The following PPP1R3F variants were observed in gnomAD, a reference collection of about 807,000 sequenced individuals.
The protein encoded by PPP1R3F is protein phosphatase 1 regulatory subunit 3F.
Under a neutral mutation model 24.2 loss-of-function variants are expected in PPP1R3F, and 29 were observed. The observed-to-expected ratio is 1.20, with a 90% CI of 0.89 to 1.63. PPP1R3F has a LOEUF of 1.63. PPP1R3F is among the 40% of genes most tolerant of loss of function. The pLI is 0.00. For synonymous variants in PPP1R3F, 363 were observed against 340.1 expected (o/e 1.07, Z -0.74); for missense variants, 823 against 729.3 (o/e 1.13, Z -1.48).
intron 3 of PPP1R3F, among the ~76,000 whole-genome samples, chrX:49,297,002 G>A (rs1412600723): frequency 1.8e-5 from 2 of 110,192 alleles, no homozygotes; most frequent in African/African-American, 6.6e-5. Context: ...TTGATGTGGG[G>A]TGGAGAGTTC....
intron 1 of PPP1R3F, among the ~76,000 whole-genome samples, chrX:49,277,088 A>T (rs1557120111): frequency 8.9e-6 from 1 of 112,618 alleles, no homozygotes; most frequent in Non-Finnish European, 1.9e-5. Flanking sequence ...TGGCAATGGC[A>T]GTCTGTGACT....
intron 1 of PPP1R3F, chrX:49,281,021 G>A (rs1202122537): frequency 7.2e-6 from 1 of 138,754 alleles, no homozygotes; most frequent in African/African-American, 3.1e-5. Flanking sequence ...TGAGTATTAA[G>A]CAGCCATTTG....
At position 49,285,975 on chromosome X, in the gene PPP1R3F, T is replaced by A. The variant is rs1199721556; in HGVS notation, c.1285T>A (p.Ser429Thr). 1.7e-6 allele frequency: 2 copies of A among 1,198,360 alleles called. No homozygotes were observed. Among genetic ancestry groups the A allele is most frequent in the South Asian group, 3.6e-5 (2 of 55,129 alleles). The change falls in exon 4 of 4, where the codon TCC becomes ACC. Residue 429 changes from serine (S) to threonine (T), a missense_variant. Physicochemically the swap from Ser to Thr is moderately conservative, Grantham distance 58. Transcript: ENST00000055335. Reference protein sequence around the residue: ...PSSPLCGLGGSPRDQASGPDA... With the variant: ...PSSPLCGLGGTPRDQASGPDA... ...CTCCCCTCTCTGTGGCCTGGGTGGC[T>A]CCCCCAGAGACCAGGCCTCAGGGCC...
chrX:49,287,465 T>G lies in PPP1R3F; in HGVS notation c.*375T>G. ...GCTGGAGCTTTATTTTTAATTTAATTTATATAGAGTACCTATTATTATATG... is the reference window on the plus strand; with the variant it reads ...GCTGGAGCTTTATTTTTAATTTAATGTATATAGAGTACCTATTATTATATG... On this transcript the variant is annotated 3_prime_UTR_variant, in exon 4 of 4. Transcript: ENST00000055335. 1 of 166,177 alleles carries G rather than the reference T, an allele frequency of 6.0e-6. No homozygotes were observed. Among genetic ancestry groups the G allele is most frequent in the East Asian group, 1.7e-4 (1 of 6,006 alleles). 13.7% of individuals were successfully genotyped at this position (166,177 alleles called of 1,213,427 possible). A position where few individuals can be genotyped will look rare whatever the true frequency, so the allele number is the denominator to read the frequency against.
rs1557121646 is a variant in PPP1R3F at position 49,286,678 on chromosome X, C to CT, written c.1989dup (p.Glu664Ter). 2.5e-6 allele frequency: 3 copies of CT among 1,209,993 alleles called. No individual in the cohort carries two copies. Among genetic ancestry groups the CT allele is most frequent in the Admixed American group, 4.4e-5 (2 of 45,875 alleles). ...ATGAATAGGGTGATAGCTGGGGTGACTGAGTCCCTGGGGGAGGCCGGGACA... is the reference window on the plus strand; with the variant it reads ...ATGAATAGGGTGATAGCTGGGGTGACTTGAGTCCCTGGGGGAGGCCGGGACA... On this transcript the variant is annotated frameshift_variant, in exon 4 of 4. Transcript: ENST00000055335. LOFTEE classifies it low-confidence loss of function (END_TRUNC).
chrX:49,291,836 C>T (rs2066309930), downstream of PPP1R3F, among the ~76,000 whole-genome samples: 2 of 110,831 alleles, frequency 1.8e-5, no homozygotes, highest in Non-Finnish European at 1.9e-5. Context: ...CCTCAGCCTT[C>T]AGCCCTGCTA....
chrX:49,270,536 G>A lies in PPP1R3F; in HGVS notation c.667G>A (p.Gly223Ser), dbSNP rs782653271. The change falls in exon 1 of 4, where the codon GGC (glycine) becomes AGC (serine). Residue 223 changes from glycine (G) to serine (S), a missense_variant. By Grantham distance (56) the Gly-to-Ser change is moderately conservative (BLOSUM62 0). Coordinates refer to ENST00000055335, the MANE Select transcript of PPP1R3F (RefSeq NM_033215.5). ...AGATCCCATCCTGGATCCGGGGCTC[G>A]GCCTGGGTCCCGGCCAGGCATCCGC... is the stretch of plus-strand genomic sequence containing the variant. Reference protein sequence around the residue: ...AGDPILDPGLGLGPGQASASS... With the variant: ...AGDPILDPGLSLGPGQASASS... The A allele has an allele frequency of 2.0e-5, 24 of 1,204,821 alleles. No individual in the cohort carries two copies. The highest frequency in any genetic ancestry group is 2.4e-4 in the Middle Eastern group (1 of 4,238).
rs930272321 is a variant in PPP1R3F at position 49,277,852 on chromosome X, T to C, written c.1005-3554T>C. ...ATTTGTAAAAAGGAAGGGTGTTGTT[T>C]TGAAGGATAGATGTGAAGGTTTTCA... On this transcript the variant is annotated intron_variant, in intron 1 of 3. Transcript: ENST00000055335. Among the ~76,000 whole-genome samples the C allele has an allele frequency of 9.8e-5, 11 of 112,370 alleles. 1 individual carries two copies. In the Admixed American group the frequency reaches 1.0e-3, roughly 11 times the overall value.
chrX:49,298,501 C>A (rs960566202), intron 3 of PPP1R3F, among the ~76,000 whole-genome samples: 2 of 111,512 alleles, frequency 1.8e-5, no homozygotes, highest in East Asian at 5.6e-4. Context: ...TGGGGTTGCT[C>A]TTCTCAAGAA....
chrX:49,294,724 C>A (rs2066318110), intron 3 of PPP1R3F, among the ~76,000 whole-genome samples: 1 of 107,753 alleles, frequency 9.3e-6, no homozygotes, highest in Non-Finnish European at 1.9e-5. Context: ...TCCTGGCTAA[C>A]ACGGTGAAAC....
chrX:49,292,836 C>A (rs1602719743), downstream of PPP1R3F, among the ~76,000 whole-genome samples: 3 of 112,088 alleles, frequency 2.7e-5, no homozygotes, highest in South Asian at 1.1e-3. Context: ...GTGCAATGGG[C>A]ATCATTACAC....
rs1557119064 is a variant in PPP1R3F at position 49,270,719 on chromosome X, C to T, written c.850C>T (p.Leu284=). The T allele has an allele frequency of 5.0e-6, 6 of 1,207,314 alleles. No homozygotes were observed. The highest frequency in any genetic ancestry group is 6.7e-6 in the Non-Finnish European group (6 of 893,375). ...ANNHGRNYTV[L]LRIAPAPTPT... is the part of the protein sequence containing the mutation. ...CAACCACGGCCGCAACTACACAGTC[C>T]TGCTCCGGATCGCACCCGCTCCCAC... Residue 284 remains leucine, a synonymous_variant, in exon 1 of 4, where the codon CTG becomes TTG. Coordinates refer to ENST00000055335, the MANE Select transcript of PPP1R3F (RefSeq NM_033215.5).
At chrX:49,276,955 G>A (rs192407817) in intron 1 of PPP1R3F, among the ~76,000 whole-genome samples, 1 of 112,568 alleles carries the variant, frequency 8.9e-6, no homozygotes, top group African/African-American at 3.2e-5. Context: ...TCTTCAGGTT[G>A]ACTACATGGG....
rs782589899 is a variant in PPP1R3F at position 49,270,769 on chromosome X, CCAG to C, written c.911_913del (p.Gln304del). 8.3e-7 allele frequency: 1 copy of C among 1,198,054 alleles called. No homozygotes were observed. ...CACCCACTGATGCCGAAGGGCTGCC[CCAG>C]CAGCAGCAGCTGCCGCAGCTGGAGC... On this transcript the variant is annotated inframe_deletion, in exon 1 of 4. Coordinates refer to ENST00000055335, the MANE Select transcript of PPP1R3F (RefSeq NM_033215.5).
chrX:49,291,942 A>G (rs1424612153), downstream of PPP1R3F, among the ~76,000 whole-genome samples: 2 of 111,454 alleles, frequency 1.8e-5, no homozygotes, highest in African/African-American at 6.5e-5. Flanking sequence ...CTGCTAAGTC[A>G]AAGTGACTTT....
intron 3 of PPP1R3F, among the ~76,000 whole-genome samples, chrX:49,282,433 G>A (rs1471486104): frequency 1.0e-5 from 1 of 98,295 alleles, no homozygotes; most frequent in Non-Finnish European, 2.0e-5. Flanking sequence ...TAGGGAGTGG[G>A]TGAGAGACTC....
In PPP1R3F at chrX:49,287,060, G is replaced by A. The variant is rs891927349; in HGVS notation, c.2370G>A (p.Ala790=). Residue 790 remains alanine, a synonymous_variant, in exon 4 of 4, where the codon GCG becomes GCA. Transcript: ENST00000055335. ...GCGGTGTGTCCCTCCTGGTGCTTGC[G>A]CTGTGCCTCTCTCTGGCTTGGTTCT... is the stretch of plus-strand genomic sequence containing the variant. The part of the protein sequence containing the change: ...LNSGVSLLVL[A]LCLSLAWFS 5.8e-6 allele frequency: 7 copies of A among 1,211,183 alleles called. No homozygotes were observed. The highest frequency in any genetic ancestry group is 1.8e-5 in the South Asian group (1 of 57,044).
intron 3 of PPP1R3F, 106 bp downstream of exon 3, chrX:49,282,169 G>A: frequency 7.1e-6 from 4 of 566,604 alleles, no homozygotes; most frequent in Non-Finnish European, 1.1e-5. Flanking sequence ...GTCCTCCCTG[G>A]GTTGGAGGGA....
intron 1 of PPP1R3F, 30 bp downstream of exon 1, chrX:49,270,903 C>G (rs782573496): frequency 1.7e-6 from 2 of 1,143,860 alleles, no homozygotes; most frequent in Non-Finnish European, 2.3e-6. Flanking sequence ...CCTCCGCCAA[C>G]GCAGGGCTGT....
Sources: gnomAD v4.1 joint callset for allele counts (sites outside exome capture counted in the v4.1 genomes callset) on GRCh38, gnomAD v4.1.1 for gene constraint, MANE v1.5 for transcripts, NCBI Gene and HGNC (gene_info 2026-07-23, HGNC 2026-07-21) for gene names.